Variants in CRB1 observed in about 807,000 individuals in gnomAD.
The protein encoded by CRB1 is crumbs cell polarity complex component 1, also known as protein crumbs homolog 1.
A neutral mutation model predicts 120.0 loss-of-function variants in CRB1; 83 were observed. The ratio of observed to expected loss-of-function variants is 0.69; its 90% CI spans 0.58 to 0.83. CRB1 has a LOEUF of 0.83. Among genes scored for constraint, CRB1 ranks in the 40% least tolerant of loss-of-function variants. CRB1 has a pLI of 0.00. For synonymous variants in CRB1, 625 were observed against 612.5 expected (o/e 1.02, Z -0.30); for missense variants, 1,699 against 1,687.6 (o/e 1.01, Z -0.12).
At chr1:197,262,428 T>C in the CRB1 span, among the ~76,000 whole-genome samples, 2 of 152,218 alleles carry the variant, frequency 1.3e-5, no homozygotes, top group Non-Finnish European at 2.9e-5. Flanking sequence ...TCATTTTGAT[T>C]ATTGTTCTAC....
chr1:197,415,405 A>G (rs1429426869), intron 5 of CRB1, among the ~76,000 whole-genome samples: 1 of 152,168 alleles, frequency 6.6e-6, no homozygotes, highest in African/African-American at 2.4e-5. Context: ...GCCAGAAAAT[A>G]AATAAATACA....
chr1:197,312,629 A>C (rs1326027913), intron 1 of CRB1, among the ~76,000 whole-genome samples: 2 of 152,226 alleles, frequency 1.3e-5, no homozygotes, highest in Non-Finnish European at 2.9e-5. Context: ...CAATCTGTTA[A>C]GATAGAAAAA....
At chr1:197,267,977 T>C (rs578084424), upstream of CRB1, among the ~76,000 whole-genome samples, 3 of 152,312 alleles carry the variant, frequency 2.0e-5, no homozygotes, top group South Asian at 6.2e-4. Context: ...AAAGTAAATA[T>C]ACAGGAACAT....
Position 197,353,816 on chromosome 1 carries a change from A to T in CRB1, c.989-3015A>T, listed in dbSNP as rs1279516582. Among the ~76,000 whole-genome samples the T allele has an allele frequency of 1.1e-4, 8 of 72,146 alleles. No individual in the cohort carries two copies. In the East Asian group the frequency reaches 2.5e-3, roughly 23 times the overall value. The allele number at this position is 72,146 out of a possible 152,430, so 47.3% of individuals were successfully genotyped here. A position where few individuals can be genotyped will look rare whatever the true frequency, so the allele number is the denominator to read the frequency against. On this transcript the variant is annotated intron_variant, in intron 4 of 11. Transcript: ENST00000367400. ...ACTCCGTCTCAAAAATATATAAATA[A>T]AAAAAAAAAAAAAAAAAAAAACTTT...
chr1:197,442,338 C>A, intron 11 of CRB1, 46 bp downstream of exon 11: 2 of 1,613,578 alleles, frequency 1.2e-6, no homozygotes, highest in South Asian at 1.1e-5. Flanking sequence ...CTGGCAGAAT[C>A]TTTTTCAGCT....
At chr1:197,434,289 A>T (rs1263806586) in intron 8 of CRB1, among the ~76,000 whole-genome samples, 3 of 152,140 alleles carry the variant, frequency 2.0e-5, no homozygotes, top group Non-Finnish European at 1.5e-5. Context: ...CTTTTTGCTC[A>T]ATTTATTTAT....
In CRB1 at chr1:197,328,410, A is replaced by T. The variant is rs12042179; in HGVS notation, c.71-12A>T. ...TATAAATTTAATCTTGTTACTTTTT[A>T]TTTCCTTGTAGATTCCTTTTGCAAT... On this transcript the variant is annotated splice_polypyrimidine_tract_variant and intron_variant, in intron 1 of 11. Coordinates refer to ENST00000367400, the MANE Select transcript of CRB1 (RefSeq NM_201253.3). 0.41 allele frequency: 657,924 copies of T among 1,590,246 alleles called. 145,185 individuals are homozygous for T. Among genetic ancestry groups the T allele is most frequent in the East Asian group, 0.78 (34,619 of 44,668 alleles).
chr1:197,224,089 G>A, the CRB1 span, among the ~76,000 whole-genome samples: 1 of 152,124 alleles, frequency 6.6e-6, no homozygotes, highest in East Asian at 1.9e-4. Context: ...AGACTGACAC[G>A]TTAATAATAA....
chr1:197,393,940 T>C (rs1662639036), intron 5 of CRB1, among the ~76,000 whole-genome samples: 1 of 152,106 alleles, frequency 6.6e-6, no homozygotes, highest in Non-Finnish European at 1.5e-5. Context: ...TTAAGACTAG[T>C]TTTAGAATCT....
upstream of CRB1, among the ~76,000 whole-genome samples, chr1:197,264,904 C>T (rs1174164464): frequency 4.6e-5 from 7 of 151,660 alleles, no homozygotes; most frequent in African/African-American, 1.7e-4. Context: ...GGATTACAGA[C>T]GTGAGCCACC....
At chr1:197,208,348 A>T in the CRB1 span, among the ~76,000 whole-genome samples, 1 of 152,112 alleles carries the variant, frequency 6.6e-6, no homozygotes, top group African/African-American at 2.4e-5. Context: ...TTTTGGGTAG[A>T]CTATGTTAGA....
intron 1 of CRB1, among the ~76,000 whole-genome samples, chr1:197,283,737 T>C (rs1047835306): frequency 1.3e-5 from 2 of 151,788 alleles, no homozygotes; most frequent in African/African-American, 4.8e-5. Context: ...TTTTCTTTAA[T>C]TTTGTTATAG....
chr1:197,350,677 C>T (rs1050547414), intron 4 of CRB1, among the ~76,000 whole-genome samples: 3 of 152,098 alleles, frequency 2.0e-5, no homozygotes, highest in Non-Finnish European at 4.4e-5. Context: ...CAATAAGAGG[C>T]TATACTAAAT....
intron 11 of CRB1, among the ~76,000 whole-genome samples, chr1:197,465,718 G>A (rs894152555): frequency 6.6e-6 from 1 of 152,124 alleles, no homozygotes; most frequent in African/African-American, 2.4e-5. Context: ...AGCATGATGT[G>A]TGTCTTTCAT....
chr1:197,387,177 A>C (rs1662259116), intron 5 of CRB1, among the ~76,000 whole-genome samples: 1 of 151,954 alleles, frequency 6.6e-6, no homozygotes, highest in African/African-American at 2.4e-5. Flanking sequence ...TTCTGGGCTC[A>C]CTTCAACCTC....
At chr1:197,289,994 A>T (rs1656074441) in intron 1 of CRB1, among the ~76,000 whole-genome samples, 1 of 151,640 alleles carries the variant, frequency 6.6e-6, no homozygotes. Context: ...TAGTTATATA[A>T]AAGTTATATT....
At chr1:197,293,387 A>G (rs910735203) in intron 1 of CRB1, among the ~76,000 whole-genome samples, 2 of 152,168 alleles carry the variant, frequency 1.3e-5, no homozygotes, top group African/African-American at 4.8e-5. Context: ...GGAGAACTAC[A>G]AACCACTGCT....
chr1:197,215,289 T>TG, the CRB1 span, among the ~76,000 whole-genome samples: 2 of 151,160 alleles, frequency 1.3e-5, no homozygotes, highest in Non-Finnish European at 3.0e-5. Context: ...TTTTTTTTTT[T>TG]TTTTTGAGAC....
intron 1 of CRB1, among the ~76,000 whole-genome samples, chr1:197,317,787 A>T (rs1006979179): frequency 6.6e-6 from 1 of 152,238 alleles, no homozygotes; most frequent in Non-Finnish European, 1.5e-5. Context: ...TAAACTGCAT[A>T]TGCACATGCA....
Sources: allele counts gnomAD v4.1 joint callset (sites outside exome capture counted in the v4.1 genomes callset), GRCh38; gene constraint gnomAD v4.1.1; transcripts MANE v1.5; gene names NCBI Gene and HGNC (gene_info 2026-07-23, HGNC 2026-07-21).